C1orf185: variants seen among roughly 807,000 people sequenced by gnomAD.
C1orf185 encodes uncharacterized protein C1orf185.
In C1orf185, 13 loss-of-function variants were observed where a neutral mutation model predicts 16.1. The observed-to-expected ratio is 0.81, with a 90% CI of 0.53 to 1.28. The LOEUF (loss-of-function observed/expected upper bound fraction) is 1.28, where lower values mean the gene tolerates loss of function less well. Among genes scored for constraint, C1orf185 ranks in the 50% most tolerant of loss-of-function variants. The pLI is 0.00. For synonymous variants in C1orf185, 80 were observed against 76.9 expected (o/e 1.04, Z -0.21); for missense variants, 220 against 225.2 (o/e 0.98, Z 0.15).
At chr1:51,121,171 T>C (rs536973526) in intron 3 of C1orf185, among the ~76,000 whole-genome samples, 1 of 152,246 alleles carries the variant, frequency 6.6e-6, no homozygotes, top group South Asian at 2.1e-4. Context: ...TTATTAACTA[T>C]AATCACCGTG....
chr1:51,134,232 G>A (rs1369110205), intron 3 of C1orf185, among the ~76,000 whole-genome samples: 1 of 152,154 alleles, frequency 6.6e-6, no homozygotes, highest in African/African-American at 2.4e-5. Flanking sequence ...TACTGCTCCT[G>A]AATGTCTTTT....
intron 1 of C1orf185, among the ~76,000 whole-genome samples, chr1:51,103,448 CAA>C (rs869258098): frequency 0.033 from 4,997 of 149,848 alleles, 317 homozygotes; most frequent in African/African-American, 0.12. Context: ...CACACACACA[CAA>C]AAACCACGAA....
chr1:51,111,487 C>T (rs564766868), intron 1 of C1orf185, among the ~76,000 whole-genome samples: 19 of 151,650 alleles, frequency 1.3e-4, no homozygotes, highest in Non-Finnish European at 2.5e-4. Context: ...ATCCTCCCGC[C>T]TCAGCCTCCT....
rs1646411093 is a variant in C1orf185 at position 51,147,766 on chromosome 1, T to C, written c.595T>C (p.Leu199=). ...TACTGAAAGTGTACTGAATGACACT[T>C]TATGACCATCAAAAAGATGACTACA... ...EGTESVLNDT[L] is the part of the protein sequence containing the mutation. The change falls in exon 5 of 5, where the codon TTA becomes CTA. Residue 199 remains leucine (L), a synonymous_variant. Coordinates refer to ENST00000371759, the MANE Select transcript of C1orf185 (RefSeq NM_001136508.2). 2 of 1,514,146 alleles carry C rather than the reference T, an allele frequency of 1.3e-6. No individual in the cohort carries two copies. The highest frequency in any genetic ancestry group is 1.8e-6 in the Non-Finnish European group (2 of 1,130,698). The allele number at this position is 1,514,146 out of a possible 1,614,324, so 93.8% of individuals were successfully genotyped here. A position where few individuals can be genotyped will look rare whatever the true frequency, so the allele number is the denominator to read the frequency against.
chr1:51,112,425 T>A, intron 1 of C1orf185, 39 bp from the exon 2 acceptor site: 10 of 1,453,634 alleles, frequency 6.9e-6, no homozygotes, highest in Non-Finnish European at 9.4e-6. Context: ...AGAATAAAAA[T>A]ACATGCATGA....
intron 3 of C1orf185, among the ~76,000 whole-genome samples, chr1:51,135,699 C>T (rs1199149267): frequency 6.6e-6 from 1 of 152,210 alleles, no homozygotes; most frequent in African/African-American, 2.4e-5. Flanking sequence ...TACCCAACAT[C>T]ATACTGAATG....
intron 2 of C1orf185, among the ~76,000 whole-genome samples, chr1:51,113,118 C>T (rs1646134728): frequency 6.6e-6 from 1 of 151,704 alleles, no homozygotes; most frequent in Admixed American, 6.6e-5. Flanking sequence ...CACACCCGGC[C>T]TTTATTTTCT....
Position 51,145,734 on chromosome 1 carries a change from G to T in C1orf185, c.269G>T (p.Arg90Ile). The T allele has an allele frequency of 7.6e-7, 1 of 1,309,272 alleles. No individual in the cohort carries two copies. Among genetic ancestry groups the T allele is most frequent in the East Asian group, 2.7e-5 (1 of 36,652 alleles). 81.1% of individuals were successfully genotyped at this position (1,309,272 alleles called of 1,614,324 possible). A position where few individuals can be genotyped will look rare whatever the true frequency, so the allele number is the denominator to read the frequency against. Residue 90 changes from arginine to isoleucine, a missense_variant, in exon 4 of 5, where the codon AGA (arginine) becomes ATA (isoleucine). By Grantham distance (97) the Arg-to-Ile change is moderately conservative (BLOSUM62 -3). Coordinates refer to ENST00000371759, the MANE Select transcript of C1orf185 (RefSeq NM_001136508.2). The stretch of plus-strand genomic sequence containing the variant: ...CTTTTTTTAATGTAGGAGGAGCAAA[G>T]AAAAAAGGAAGCAGCACATATAAAA... ...TGRFQLQEEQ[R>I]KKEAAHIKAI...
At chr1:51,126,429 TA>T (rs919860279) in intron 3 of C1orf185, among the ~76,000 whole-genome samples, 56 of 149,652 alleles carry the variant, frequency 3.7e-4, no homozygotes, top group Admixed American at 8.0e-4. Context: ...ATGTCCACTT[TA>T]AAAAAAAAAT....
rs1312313467 is a variant in C1orf185 at position 51,134,518 on chromosome 1, A to G, written c.259-11206A>G. 7.3e-4 allele frequency among the ~76,000 whole-genome samples: 4 copies of G among 5,502 alleles called. No homozygotes were observed. The East Asian group carries it at 0.026, about 36-fold the overall frequency. 3.6% of individuals were successfully genotyped at this position (5,502 alleles called of 152,430 possible). A position where few individuals can be genotyped will look rare whatever the true frequency, so the allele number is the denominator to read the frequency against. ...GCTGAACTGAAGGAGAATGAGACAC[A>G]CACAAAAAAAAAACATTCAAAAGAT... On this transcript the variant is annotated intron_variant, in intron 3 of 4. Transcript: ENST00000371759.
downstream of C1orf185, among the ~76,000 whole-genome samples, chr1:51,148,968 CCTATCT>C (rs1362348328): frequency 6.6e-6 from 1 of 152,060 alleles, no homozygotes; most frequent in African/African-American, 2.4e-5. Flanking sequence ...ATTTTCCTTT[CCTATCT>C]CTATTTCTCA....
At chr1:51,131,553 C>T (rs554774342) in intron 3 of C1orf185, among the ~76,000 whole-genome samples, 6 of 151,616 alleles carry the variant, frequency 4.0e-5, no homozygotes, top group Middle Eastern at 3.4e-3. Flanking sequence ...GTGGGAAAAT[C>T]ATTTGAGCCC....
intron 3 of C1orf185, among the ~76,000 whole-genome samples, chr1:51,141,380 A>G (rs1646363269): frequency 6.6e-6 from 1 of 152,222 alleles, no homozygotes; most frequent in South Asian, 2.1e-4. Context: ...GGTTCCAGCC[A>G]CTTGGGAGGC....
downstream of C1orf185, among the ~76,000 whole-genome samples, chr1:51,151,842 C>T (rs1043160175): frequency 2.0e-5 from 3 of 151,958 alleles, no homozygotes; most frequent in African/African-American, 7.3e-5. Flanking sequence ...GCGCCCACCA[C>T]CACACCTGGA....
intron 3 of C1orf185, among the ~76,000 whole-genome samples, chr1:51,119,806 A>G (rs1486726854): frequency 1.3e-5 from 2 of 152,136 alleles, no homozygotes; most frequent in Non-Finnish European, 2.9e-5. Flanking sequence ...TCAAAAACAA[A>G]CACATTTGTT....
intron 3 of C1orf185, among the ~76,000 whole-genome samples, chr1:51,144,818 C>T (rs561136801): frequency 1.3e-5 from 2 of 152,236 alleles, no homozygotes; most frequent in East Asian, 3.9e-4. Context: ...CACATTTTCT[C>T]CCAGAACATA....
intron 2 of C1orf185, among the ~76,000 whole-genome samples, chr1:51,115,183 C>T (rs1646149030): frequency 6.6e-6 from 1 of 151,994 alleles, no homozygotes; most frequent in Admixed American, 6.6e-5. Context: ...ACTAAAAGTA[C>T]AAAAATTAAT....
Position 51,112,414 on chromosome 1 carries a change from G to C in C1orf185, c.17-50G>C, listed in dbSNP as rs954931058. The C allele has an allele frequency of 6.4e-6, 9 of 1,403,112 alleles. No homozygotes were observed. The Admixed American group carries it at 6.5e-5, about 10-fold the overall frequency. 86.9% of individuals were successfully genotyped at this position (1,403,112 alleles called of 1,614,324 possible). A position where few individuals can be genotyped will look rare whatever the true frequency, so the allele number is the denominator to read the frequency against. Reference sequence around the variant, plus strand: ...GAAGTTTATCATTCAGTTTTACCTAGAGAATAAAAATACATGCATGAAATA... The same window carrying C: ...GAAGTTTATCATTCAGTTTTACCTACAGAATAAAAATACATGCATGAAATA... On this transcript the variant is annotated intron_variant, in intron 1 of 4. Coordinates refer to ENST00000371759, the MANE Select transcript of C1orf185 (RefSeq NM_001136508.2).
chr1:51,124,784 A>T (rs2148019619), intron 3 of C1orf185, among the ~76,000 whole-genome samples: 1 of 152,304 alleles, frequency 6.6e-6, no homozygotes, highest in East Asian at 1.9e-4. Context: ...TGAGCAATGA[A>T]GGCAGCTAGG....
Sources: gnomAD v4.1 joint callset for allele counts (sites outside exome capture counted in the v4.1 genomes callset) on GRCh38, gnomAD v4.1.1 for gene constraint, MANE v1.5 for transcripts, NCBI Gene and HGNC (gene_info 2026-07-23, HGNC 2026-07-21) for gene names.